SPTB: variants seen among roughly 807,000 people sequenced by gnomAD.
SPTB encodes the protein spectrin beta, erythrocytic.
A neutral mutation model predicts 256.2 loss-of-function variants in SPTB; 45 were observed. The observed-to-expected ratio is 0.18, with a 90% CI of 0.14 to 0.23. The LOEUF (loss-of-function observed/expected upper bound fraction) is 0.23, where lower values mean the gene tolerates loss of function less well. Ranked by LOEUF, SPTB falls within the 10% of genes least tolerant of loss-of-function variation. The pLI is 1.00. For synonymous variants in SPTB, 1,231 were observed against 1,243.1 expected (o/e 0.99, Z 0.21); for missense variants, 2,715 against 3,040.4 (o/e 0.89, Z 2.52).
intron 1 of SPTB, among the ~76,000 whole-genome samples, chr14:64,862,853 CA>C (rs1200337643): frequency 1.5e-5 from 2 of 129,680 alleles, no homozygotes; most frequent in Admixed American, 1.8e-4. Context: ...AAAGCTAAAA[CA>C]AATAAACAAC....
intron 28 of SPTB, 53 bp downstream of exon 28, chr14:64,769,537 C>T: frequency 6.2e-7 from 1 of 1,608,904 alleles, no homozygotes. Context: ...GCCTGGCTGG[C>T]ACAGTGGGGA....
In SPTB at chr14:64,749,730, A is replaced by G. The variant is rs778471239; in HGVS notation, c.6777-34T>C. 96 of 1,610,324 alleles carry G rather than the reference A, an allele frequency of 6.0e-5. 3 individuals carry two copies. The South Asian group carries it at 1.0e-3, about 17-fold the overall frequency. ...ACAAAGGGTTTCCTGTCATGGAGAC[A>G]CCTCTGGAGGGGGCGCTGGGCAGAG... On this transcript the variant is annotated intron_variant, in intron 34 of 35. Coordinates refer to ENST00000644917, the MANE Select transcript of SPTB (RefSeq NM_001355436.2). This position sits in a 1 kb window ranked among gnomAD's most constrained non-coding sequence, Gnocchi z 4.7.
intron 32 of SPTB, among the ~76,000 whole-genome samples, chr14:64,763,306 G>A (rs1347895341): frequency 2.0e-5 from 3 of 152,208 alleles, no homozygotes; most frequent in Non-Finnish European, 2.9e-5. Flanking sequence ...GGGCTCCCTC[G>A]CAGACCTGGG....
At chr14:64,878,184 G>A (rs1882919708) in intron 1 of SPTB, among the ~76,000 whole-genome samples, 1 of 152,186 alleles carries the variant, frequency 6.6e-6, no homozygotes, top group East Asian at 1.9e-4. Context: ...GAGCGTTTAT[G>A]TCTTTCAATG....
Position 64,773,439 on chromosome 14 carries a change from C to A in SPTB, c.4974-15G>T, listed in dbSNP as rs746149393. On this transcript the variant is annotated splice_polypyrimidine_tract_variant and intron_variant, in intron 24 of 35. Transcript: ENST00000644917. ...TGATCTGTTCCCTGGAATTCAAAAC[C>A]AAAAAGGCCCTCAGAGACGGCAGCC... 1.2e-6 allele frequency: 2 copies of A among 1,612,900 alleles called. No homozygotes were observed. The highest frequency in any genetic ancestry group is 2.7e-5 in the African/African-American group (2 of 74,930).
In SPTB at chr14:64,805,019, G is replaced by A. The variant is rs575005279; in HGVS notation, c.220C>T (p.Arg74Cys). The change falls in exon 3 of 36, where the codon CGC (arginine) becomes TGC (cysteine). Residue 74 changes from arginine (R) to cysteine (C), a missense_variant. By Grantham distance (180) the Arg-to-Cys change is radical. This residue lies in a region of SPTB where 416 missense variants were observed against 571.1 expected (regional missense o/e 0.73). Transcript: ENST00000644917. ...VNSHLARVSC[R>C]ITDLYKDLRD... is the part of the protein sequence containing the mutation. ...AGGTCCTTGTAGAGATCGGTGATGCGGCAGGACACTCGAGCCAGGTGCGAG... is the reference window on the plus strand; with the variant it reads ...AGGTCCTTGTAGAGATCGGTGATGCAGCAGGACACTCGAGCCAGGTGCGAG... The A allele has an allele frequency of 1.0e-4, 167 of 1,613,810 alleles. 2 individuals are homozygous for A. The South Asian group carries it at 1.6e-3, about 16-fold the overall frequency.
intron 33 of SPTB, among the ~76,000 whole-genome samples, chr14:64,751,051 TATATA>T (rs1362282412): frequency 4.2e-5 from 6 of 143,810 alleles, no homozygotes; most frequent in African/African-American, 7.5e-5. Flanking sequence ...AATTATATAT[TATATA>T]ATATATAACA....
Position 64,751,927 on chromosome 14 carries a change from C to CAAAAAAAAAAAAAAAAAAAAAAAAA in SPTB, c.6602+1609_6602+1610insTTTTTTTTTTTTTTTTTTTTTTTTT, listed in dbSNP as rs374561563. ...TGAAACCCCATTTCTACTAAAAATG[C>CAAAAAAAAAAAAAAAAAAAAAAAAA]AAAAAAAAAAAAAAAAATTAGCCAG... On this transcript the variant is annotated intron_variant, in intron 33 of 35. Coordinates refer to ENST00000644917, the MANE Select transcript of SPTB (RefSeq NM_001355436.2). 2.4e-4 allele frequency among the ~76,000 whole-genome samples: 17 copies of CAAAAAAAAAAAAAAAAAAAAAAAAA among 71,934 alleles called. 1 individual carries two copies. The highest frequency in any genetic ancestry group is 3.5e-4 in the Non-Finnish European group (12 of 34,194). 47.2% of individuals were successfully genotyped at this position (71,934 alleles called of 152,430 possible). A position where few individuals can be genotyped will look rare whatever the true frequency, so the allele number is the denominator to read the frequency against.
rs375141998 is a variant in SPTB at position 64,749,482 on chromosome 14, C to T, written c.6820-9G>A. 1.2e-5 allele frequency: 19 copies of T among 1,598,368 alleles called. No individual in the cohort carries two copies. In the African/African-American group the frequency reaches 1.3e-4, roughly 11 times the overall value. On this transcript the variant is annotated splice_polypyrimidine_tract_variant and intron_variant, in intron 35 of 35. Coordinates refer to ENST00000644917, the MANE Select transcript of SPTB (RefSeq NM_001355436.2). The surrounding 1 kb of genome is among the most constrained non-coding windows in gnomAD (Gnocchi z 4.7). ...CAGGACAGCATCTCCTCCTGCGGGG[C>T]GGAGGGTCACGGTGGAGTCTGGAGG...
In SPTB at chr14:64,793,191, C is replaced by A; in HGVS notation, c.2472G>T (p.Gln824His). Residue 824 changes from glutamine to histidine, a missense_variant, in exon 14 of 36, where the codon CAG (glutamine) becomes CAT (histidine). By Grantham distance (24) the Gln-to-His change is conservative (BLOSUM62 0). This residue lies in a region of SPTB where 2,239 missense variants were observed against 2,384.4 expected (regional missense o/e 0.94). Transcript: ENST00000644917. This position sits in a 1 kb window ranked among gnomAD's most constrained non-coding sequence, Gnocchi z 7.0. The stretch of plus-strand genomic sequence containing the variant: ...CCTGTTGGTAGAGCTCCCGCAGGGC[C>A]TGCAGCCGATGGGTCACATCTGGGG... ...RDSPDVTHRL[Q>H]ALRELYQQVV... 1 of 1,613,356 alleles carries A rather than the reference C, an allele frequency of 6.2e-7. No individual in the cohort carries two copies. The highest frequency in any genetic ancestry group is 8.5e-7 in the Non-Finnish European group (1 of 1,180,046).
intron 1 of SPTB, among the ~76,000 whole-genome samples, chr14:64,862,045 G>A (rs975172724): frequency 3.3e-5 from 5 of 151,918 alleles, no homozygotes; most frequent in African/African-American, 4.8e-5. Context: ...TTTCTGTGCT[G>A]AGAGCTGTCA....
Position 64,746,570 on chromosome 14 carries a change from GGACCCTGGCTCCCTCC to G in SPTB, c.*2720_*2735del, listed in dbSNP as rs1036958489. On this transcript the variant is annotated 3_prime_UTR_variant, in exon 36 of 36. Coordinates refer to ENST00000644917, the MANE Select transcript of SPTB (RefSeq NM_001355436.2). The surrounding 1 kb of genome is among the most constrained non-coding windows in gnomAD (Gnocchi z 4.9). ...GAAGAGGATTCAGGGTCAGCCTAGG[GGACCCTGGCTCCCTCC>G]GATAGGCAGGAAGGAGGAGGGATGC... 2.0e-5 allele frequency: 3 copies of G among 152,516 alleles called. No individual in the cohort carries two copies. Among genetic ancestry groups the G allele is most frequent in the Admixed American group, 2.0e-4 (3 of 15,268 alleles). 9.4% of individuals were successfully genotyped at this position (152,516 alleles called of 1,614,324 possible). A position where few individuals can be genotyped will look rare whatever the true frequency, so the allele number is the denominator to read the frequency against.
intron 9 of SPTB, 84 bp downstream of exon 9, chr14:64,799,663 A>C (rs1480485107): frequency 1.3e-6 from 2 of 1,527,892 alleles, no homozygotes; most frequent in East Asian, 2.3e-5. Context: ...GACACACTTC[A>C]TAAGGCCCAG....
At chr14:64,835,124 C>T (rs1251320631) in intron 1 of SPTB, among the ~76,000 whole-genome samples, 1 of 152,198 alleles carries the variant, frequency 6.6e-6, no homozygotes, top group Non-Finnish European at 1.5e-5. Context: ...GAGGTTTTCT[C>T]ATCCCTGGCC....
chr14:64,776,759 C>CT (rs1272788676), intron 22 of SPTB, among the ~76,000 whole-genome samples: 2 of 152,162 alleles, frequency 1.3e-5, no homozygotes, highest in Non-Finnish European at 2.9e-5. Context: ...GTATTTCTTC[C>CT]TTTTTAACCA....
chr14:64,793,970 C>T lies in SPTB; in HGVS notation c.1796-103G>A. On this transcript the variant is annotated intron_variant, in intron 13 of 35. Coordinates refer to ENST00000644917, the MANE Select transcript of SPTB (RefSeq NM_001355436.2). This position sits in a 1 kb window ranked among gnomAD's most constrained non-coding sequence, Gnocchi z 7.0. ...TTGGAACTACACAACCCTGAAGCTG[C>T]CATGTCACTGGGGCTTTGGGGTTGG... 1 of 1,245,448 alleles carries T rather than the reference C, an allele frequency of 8.0e-7. No homozygotes were observed. The highest frequency in any genetic ancestry group is 2.5e-5 in the East Asian group (1 of 40,294). The allele number at this position is 1,245,448 out of a possible 1,614,324, so 77.1% of individuals were successfully genotyped here. A position where few individuals can be genotyped will look rare whatever the true frequency, so the allele number is the denominator to read the frequency against.
intron 1 of SPTB, among the ~76,000 whole-genome samples, chr14:64,837,641 GC>G (rs1310089258): frequency 2.6e-5 from 4 of 152,024 alleles, no homozygotes; most frequent in Admixed American, 6.6e-5. Context: ...TGCTCTTGTT[GC>G]CCAGGCTGGA....
Position 64,751,518 on chromosome 14 carries a change from C to T in SPTB, c.6603-1364G>A, listed in dbSNP as rs140830293. On this transcript the variant is annotated intron_variant, in intron 33 of 35. Transcript: ENST00000644917. Reference sequence around the variant, plus strand: ...ACCTTATAATACTGGAAAATGTGCCCATAATTTAAATAGCAATGTGATGAA... The same window carrying T: ...ACCTTATAATACTGGAAAATGTGCCTATAATTTAAATAGCAATGTGATGAA... Among the ~76,000 whole-genome samples the T allele has an allele frequency of 4.6e-5, 7 of 152,182 alleles. No individual in the cohort carries two copies. The East Asian group carries it at 1.3e-3, about 29-fold the overall frequency.
chr14:64,784,152 C>T, intron 19 of SPTB, 95 bp downstream of exon 19: 1 of 1,581,698 alleles, frequency 6.3e-7, no homozygotes, highest in Non-Finnish European at 8.6e-7. Context: ...GTACTGTCAG[C>T]AAGCTTTAGG....
Sources: allele counts gnomAD v4.1 joint callset (sites outside exome capture counted in the v4.1 genomes callset), GRCh38; gene constraint gnomAD v4.1.1; regional missense constraint gnomAD v4.1.1; non-coding constraint Gnocchi (gnomAD v3.1); transcripts MANE v1.5; gene names NCBI Gene and HGNC (gene_info 2026-07-23, HGNC 2026-07-21).